CDC42BPA: variants seen among roughly 807,000 people sequenced by gnomAD.
CDC42BPA encodes the protein serine/threonine-protein kinase MRCK alpha.
CDC42BPA carries 80 observed loss-of-function variants against 223.5 expected under a neutral mutation model. That is an observed-to-expected ratio of 0.36 (90% CI 0.30 to 0.43). The LOEUF is 0.43. Ranked by LOEUF, CDC42BPA falls within the 20% of genes least tolerant of loss-of-function variation. The probability of loss-of-function intolerance (pLI) is 1.00; values close to 1 mark genes in which losing one functional copy is unlikely to be tolerated. For missense variants in CDC42BPA, 1,743 were observed against 2,099.9 expected, an observed-to-expected ratio of 0.83 and a Z score of 3.32; for synonymous variants, 694 against 718.6, an observed-to-expected ratio of 0.97 and a Z score of 0.55.
chr1:227,017,008 C>T lies in CDC42BPA; in HGVS notation c.4658G>A (p.Arg1553Gln), dbSNP rs571684122. The T allele has an allele frequency of 8.7e-6, 14 of 1,613,126 alleles. No individual in the cohort carries two copies. Among genetic ancestry groups the T allele is most frequent in the African/African-American group, 5.3e-5 (4 of 74,858 alleles). The change falls in exon 33 of 37, where the codon CGG becomes CAG. Residue 1553 changes from arginine (R) to glutamine (Q), a missense_variant. Arg to Gln is a conservative substitution (Grantham distance 43). Coordinates refer to ENST00000366766, the MANE Select transcript of CDC42BPA (RefSeq NM_001394014.1). ...LVVPETSDNSRKQMVRNINNK... is the reference protein window; with the variant it reads ...LVVPETSDNSQKQMVRNINNK... ...GTTAATGTTTCTAACCATTTGTTTC[C>T]GACTATTATCTGATGTTTCAGGTAC...
At chr1:227,163,731 TA>T (rs11314121) in intron 5 of CDC42BPA, among the ~76,000 whole-genome samples, 72,441 of 140,342 alleles carry the variant, frequency 0.52, 18,228 homozygotes, top group South Asian at 0.61. Context: ...TTCTTATTTG[TA>T]AAAAAAAAAA....
chr1:227,160,015 T>G (rs1663582181), intron 6 of CDC42BPA, among the ~76,000 whole-genome samples: 1 of 151,918 alleles, frequency 6.6e-6, no homozygotes, highest in Non-Finnish European at 1.5e-5. Flanking sequence ...AGCTATTAAG[T>G]AAACAAAAAA....
intron 3 of CDC42BPA, among the ~76,000 whole-genome samples, chr1:227,205,319 C>CAG (rs1182863581): frequency 1.9e-4 from 23 of 120,490 alleles, no homozygotes; most frequent in South Asian, 4.9e-4. Flanking sequence ...CACACACACA[C>CAG]AGAGAGCCAT....
chr1:227,009,331 T>C (rs1451807097), intron 34 of CDC42BPA, among the ~76,000 whole-genome samples: 1 of 152,220 alleles, frequency 6.6e-6, no homozygotes, highest in African/African-American at 2.4e-5. Context: ...AGGGTGAGAC[T>C]TTCATTTGAT....
rs563957295 is a variant in CDC42BPA at position 227,077,592 on chromosome 1, G to T, written c.2481-3228C>A. On this transcript the variant is annotated intron_variant, in intron 17 of 36. Transcript: ENST00000366766. ...TAAAAAGATCTCAACCACTTCACTGGCCTTATTCACAAGGAATTTAATTCC... is the reference window on the plus strand; with the variant it reads ...TAAAAAGATCTCAACCACTTCACTGTCCTTATTCACAAGGAATTTAATTCC... Among the ~76,000 whole-genome samples the T allele has an allele frequency of 5.9e-5, 9 of 152,040 alleles. No individual in the cohort carries two copies. In the South Asian group the frequency reaches 1.9e-3, roughly 32 times the overall value.
At chr1:227,287,928 A>G (rs1361994776) in intron 1 of CDC42BPA, among the ~76,000 whole-genome samples, 1 of 152,186 alleles carries the variant, frequency 6.6e-6, no homozygotes, top group Non-Finnish European at 1.5e-5. Context: ...AAAATTCATT[A>G]CTGAGGGGAT....
intron 24 of CDC42BPA, among the ~76,000 whole-genome samples, chr1:227,037,270 G>A (rs1302895931): frequency 6.6e-6 from 1 of 152,144 alleles, no homozygotes; most frequent in East Asian, 1.9e-4. Flanking sequence ...TTCCTTCTCA[G>A]GTTAACTTGG....
chr1:227,096,299 G>A (rs181004976), intron 15 of CDC42BPA, among the ~76,000 whole-genome samples: 62 of 152,174 alleles, frequency 4.1e-4, no homozygotes, highest in African/African-American at 1.5e-3. Flanking sequence ...AATAAATTGA[G>A]TAAAATTTTC....
intron 5 of CDC42BPA, among the ~76,000 whole-genome samples, chr1:227,185,138 C>T (rs1054737020): frequency 2.7e-5 from 4 of 147,570 alleles, no homozygotes; most frequent in Admixed American, 2.1e-4. Context: ...GAAATCTTTT[C>T]ATCTTTACAA....
chr1:227,130,736 T>TAC (rs1656913572), intron 10 of CDC42BPA, among the ~76,000 whole-genome samples: 3 of 152,122 alleles, frequency 2.0e-5, no homozygotes, highest in African/African-American at 7.2e-5. Context: ...ATGCCTGTAA[T>TAC]ACCAGCTACT....
chr1:227,276,186 G>C lies in CDC42BPA; in HGVS notation c.179-22031C>G, dbSNP rs988610739. On this transcript the variant is annotated intron_variant, in intron 1 of 36. Transcript: ENST00000366766. ...GTCTCTGCCCTGCCGCCCATCGTCTGAGATGTGGGGAGCGCCTCTGCCCCG... is the reference window on the plus strand; with the variant it reads ...GTCTCTGCCCTGCCGCCCATCGTCTCAGATGTGGGGAGCGCCTCTGCCCCG... Among the ~76,000 whole-genome samples the C allele has an allele frequency of 7.1e-4, 107 of 151,518 alleles. 1 individual carries two copies. The highest frequency in any genetic ancestry group is 3.9e-4 in the East Asian group (2 of 5,104).
At chr1:227,133,007 C>T (rs1657564382) in intron 10 of CDC42BPA, among the ~76,000 whole-genome samples, 1 of 151,746 alleles carries the variant, frequency 6.6e-6, no homozygotes, top group South Asian at 2.1e-4. Context: ...AGGAGCATCT[C>T]CGCCCGGCAG....
intron 30 of CDC42BPA, among the ~76,000 whole-genome samples, chr1:227,027,718 G>A (rs958823404): frequency 5.3e-5 from 8 of 152,094 alleles, no homozygotes; most frequent in African/African-American, 1.7e-4. Flanking sequence ...GCTCTGTGGG[G>A]TTAAGACTGT....
At chr1:227,271,669 C>T (rs1685974840) in intron 1 of CDC42BPA, among the ~76,000 whole-genome samples, 1 of 152,120 alleles carries the variant, frequency 6.6e-6, no homozygotes, top group Non-Finnish European at 1.5e-5. Context: ...ATCAATAAGG[C>T]TGAAATTACG....
intron 1 of CDC42BPA, among the ~76,000 whole-genome samples, chr1:227,274,021 A>AAAAAAG (rs1686493564): frequency 1.4e-5 from 2 of 143,930 alleles, no homozygotes; most frequent in African/African-American, 2.6e-5. Context: ...AAAAAAAAAA[A>AAAAAAG]GGAAGAGTAT....
chr1:227,018,063 T>TATTTATC (rs1558293252), intron 32 of CDC42BPA, among the ~76,000 whole-genome samples: 1 of 84,576 alleles, frequency 1.2e-5, no homozygotes, highest in Non-Finnish European at 2.4e-5. Context: ...TATTATTTAT[T>TATTTATC]TGAGGCAGGG....
At chr1:227,208,209 G>A (rs2150320601) in intron 3 of CDC42BPA, among the ~76,000 whole-genome samples, 1 of 151,110 alleles carries the variant, frequency 6.6e-6, no homozygotes. Context: ...TTTTTGATGG[G>A]GTTGTTTTTT....
chr1:227,297,326 A>G (rs560376240), intron 1 of CDC42BPA, among the ~76,000 whole-genome samples: 1 of 152,304 alleles, frequency 6.6e-6, no homozygotes, highest in South Asian at 2.1e-4. Flanking sequence ...ACCTTCATAC[A>G]TTGCTGGTGG....
At chr1:227,120,169 A>AG (rs1230305482) in intron 11 of CDC42BPA, among the ~76,000 whole-genome samples, 1 of 151,578 alleles carries the variant, frequency 6.6e-6, no homozygotes, top group African/African-American at 2.4e-5. Context: ...CATACTCATT[A>AG]GGAAAAAAAA....
Sources: gnomAD v4.1 joint callset for allele counts (sites outside exome capture counted in the v4.1 genomes callset) on GRCh38, gnomAD v4.1.1 for gene constraint, MANE v1.5 for transcripts, NCBI Gene and HGNC (gene_info 2026-07-23, HGNC 2026-07-21) for gene names.